The following GALNT17 variants were observed in gnomAD, a reference collection of about 807,000 sequenced individuals.
GALNT17 encodes UDP-GalNAc:polypeptide N-acetylgalactosaminyltransferase-like 3.
Under a neutral mutation model 63.7 loss-of-function variants are expected in GALNT17, and 29 were observed. The ratio of observed to expected loss-of-function variants is 0.46; its 90% CI spans 0.34 to 0.62. The LOEUF is 0.62. GALNT17 is among the 20% of genes least tolerant of loss of function. GALNT17 has a pLI of 0.01. For synonymous variants in GALNT17, 305 were observed against 318.3 expected (o/e 0.96, Z 0.45); for missense variants, 603 against 799.6 (o/e 0.75, Z 2.97).
chr7:71,542,016 A>G (rs1266985630), intron 5 of GALNT17, among the ~76,000 whole-genome samples: 1 of 152,204 alleles, frequency 6.6e-6, no homozygotes, highest in Non-Finnish European at 1.5e-5. Flanking sequence ...TGCTAAGTGA[A>G]AAAACCTTGT....
chr7:71,389,698 G>C (rs1014124011), intron 3 of GALNT17, among the ~76,000 whole-genome samples: 1 of 151,876 alleles, frequency 6.6e-6, no homozygotes, highest in Admixed American at 6.6e-5. Flanking sequence ...TCCCCACCCC[G>C]CACCCCATCT....
At chr7:71,221,453 G>A (rs1789582963) in intron 1 of GALNT17, among the ~76,000 whole-genome samples, 1 of 148,222 alleles carries the variant, frequency 6.7e-6, no homozygotes, top group Non-Finnish European at 1.5e-5. Flanking sequence ...CCTCTCTGGG[G>A]TCCTGGGCAT....
rs10275731 is a variant in GALNT17 at position 71,454,614 on chromosome 7, A to T, written c.962+33509A>T. Among the ~76,000 whole-genome samples the T allele has an allele frequency of 8.3e-3, 1,265 of 152,310 alleles. 14 individuals carry two copies. Among genetic ancestry groups the T allele is most frequent in the African/African-American group, 0.029 (1,188 of 41,558 alleles). ...AGAAGGTCAAAGGTAACAAGAATTTATGCTGAGTGGGGTGGCTAAATGTAT... is the reference window on the plus strand; with the variant it reads ...AGAAGGTCAAAGGTAACAAGAATTTTTGCTGAGTGGGGTGGCTAAATGTAT... On this transcript the variant is annotated intron_variant, in intron 5 of 10. Coordinates refer to ENST00000333538, the MANE Select transcript of GALNT17 (RefSeq NM_022479.3).
intron 1 of GALNT17, among the ~76,000 whole-genome samples, chr7:71,210,490 C>T (rs1789355694): frequency 6.6e-6 from 1 of 152,130 alleles, no homozygotes; most frequent in South Asian, 2.1e-4. Context: ...TATAAAGGCC[C>T]TGTTCTTGTG....
At chr7:71,318,600 T>C (rs1474254270) in intron 1 of GALNT17, among the ~76,000 whole-genome samples, 1 of 151,918 alleles carries the variant, frequency 6.6e-6, no homozygotes. Flanking sequence ...TTTTTTTCTT[T>C]TGTATTTTTA....
chr7:71,265,118 A>ATATTTTTTTTTTTT (rs1390488895), intron 1 of GALNT17, among the ~76,000 whole-genome samples: 3 of 37,460 alleles, frequency 8.0e-5, no homozygotes, highest in Non-Finnish European at 1.4e-4. Flanking sequence ...ATATATATAT[A>ATATTTTTTTTTTTT]TTTTTTTTTT....
intron 1 of GALNT17, among the ~76,000 whole-genome samples, chr7:71,246,115 GTTTTTTTT>G (rs61447370): frequency 6.5e-5 from 6 of 92,000 alleles, no homozygotes; most frequent in African/African-American, 2.0e-4. Flanking sequence ...TTTTTTCGTT[GTTTTTTTT>G]TTTTTTTTTT....
At chr7:71,656,218 G>T (rs537732105) in intron 6 of GALNT17, among the ~76,000 whole-genome samples, 3 of 151,942 alleles carry the variant, frequency 2.0e-5, no homozygotes, top group Non-Finnish European at 4.4e-5. Flanking sequence ...TTTTTTGCAC[G>T]CCCACATGCT....
chr7:71,334,968 G>C (rs558178077), intron 1 of GALNT17, among the ~76,000 whole-genome samples: 111 of 152,210 alleles, frequency 7.3e-4, no homozygotes, highest in Non-Finnish European at 1.4e-3. Flanking sequence ...TCTTGCTGTA[G>C]TTCCTCCTAG....
At chr7:71,596,498 T>A (rs1291277015) in intron 6 of GALNT17, among the ~76,000 whole-genome samples, 1 of 151,946 alleles carries the variant, frequency 6.6e-6, no homozygotes, top group Non-Finnish European at 1.5e-5. Flanking sequence ...AGTACAGGTG[T>A]AGGAACTGCC....
chr7:71,309,292 G>C lies in GALNT17; in HGVS notation c.239-26258G>C, dbSNP rs540793929. On this transcript the variant is annotated intron_variant, in intron 1 of 10. Transcript: ENST00000333538. ...CATGACCCTTGGCAGTCTAATTCCT[G>C]TTTGTCTTTCCAGCCTTGCCATCCT... 2.6e-5 allele frequency among the ~76,000 whole-genome samples: 4 copies of C among 152,114 alleles called. No individual in the cohort carries two copies. The South Asian group carries it at 8.3e-4, about 32-fold the overall frequency.
intron 9 of GALNT17, among the ~76,000 whole-genome samples, chr7:71,679,587 C>G (rs1468515386): frequency 6.6e-6 from 1 of 152,036 alleles, no homozygotes; most frequent in Non-Finnish European, 1.5e-5. Context: ...GTAGAATAAG[C>G]GTAACCCACG....
chr7:71,688,921 C>T (rs1298292108), intron 9 of GALNT17, among the ~76,000 whole-genome samples: 2 of 152,166 alleles, frequency 1.3e-5, no homozygotes, highest in Non-Finnish European at 2.9e-5. Flanking sequence ...TCGAGCAAGT[C>T]TATGGGTGCC....
intron 6 of GALNT17, among the ~76,000 whole-genome samples, chr7:71,623,628 G>T (rs778920041): frequency 2.6e-5 from 4 of 151,766 alleles, no homozygotes; most frequent in Non-Finnish European, 5.9e-5. Flanking sequence ...GCCGGACAAG[G>T]TTTCATTACG....
At chr7:71,542,869 CA>C in intron 5 of GALNT17, among the ~76,000 whole-genome samples, 1 of 151,982 alleles carries the variant, frequency 6.6e-6, no homozygotes. Flanking sequence ...CGAGGTTAAT[CA>C]ATCCACAACC....
chr7:71,168,054 G>A (rs1376105935), intron 1 of GALNT17, among the ~76,000 whole-genome samples: 1 of 152,164 alleles, frequency 6.6e-6, no homozygotes, highest in Non-Finnish European at 1.5e-5. Context: ...GGCTCGAAAT[G>A]TATTTTTAAG....
chr7:71,162,417 C>A (rs1038478095), intron 1 of GALNT17, among the ~76,000 whole-genome samples: 1 of 148,136 alleles, frequency 6.8e-6, no homozygotes, highest in Non-Finnish European at 1.5e-5. Flanking sequence ...TCCATCCATC[C>A]ATCCATCCAT....
intron 1 of GALNT17, among the ~76,000 whole-genome samples, chr7:71,307,307 GT>G (rs1403812244): frequency 2.0e-5 from 3 of 151,956 alleles, no homozygotes; most frequent in East Asian, 1.9e-4. Flanking sequence ...TTGTTATTTT[GT>G]TTTCTTGACA....
chr7:71,323,089 A>G (rs997865544), intron 1 of GALNT17, among the ~76,000 whole-genome samples: 3 of 152,046 alleles, frequency 2.0e-5, no homozygotes, highest in African/African-American at 4.8e-5. Context: ...GTCTTGTAAT[A>G]TTTGAAAATT....
Sources: gnomAD v4.1 joint callset for allele counts (sites outside exome capture counted in the v4.1 genomes callset) on GRCh38, gnomAD v4.1.1 for gene constraint, MANE v1.5 for transcripts, NCBI Gene and HGNC (gene_info 2026-07-23, HGNC 2026-07-21) for gene names.